The following TRANK1 variants were observed in gnomAD, a reference collection of about 807,000 sequenced individuals.
TRANK1 encodes TPR and ankyrin repeat-containing protein 1.
TRANK1 carries 198 observed loss-of-function variants against 266.0 expected under a neutral mutation model. That is an observed-to-expected ratio of 0.74 (90% confidence interval 0.66 to 0.84). The LOEUF (loss-of-function observed/expected upper bound fraction) is 0.84. TRANK1 is among the 40% of genes least tolerant of loss of function. The probability of loss-of-function intolerance (pLI) is 0.00; values close to 1 mark genes in which losing one functional copy is unlikely to be tolerated. For synonymous variants in TRANK1, 1,396 were observed against 1,384.1 expected (o/e 1.01, Z -0.19); for missense variants, 3,326 against 3,634.6 (o/e 0.92, Z 2.18).
Position 36,858,798 on chromosome 3 carries a change from C to A in TRANK1, c.1592G>T (p.Gly531Val), listed in dbSNP as rs771135781. The A allele has an allele frequency of 1.3e-6, 2 of 1,537,216 alleles. No individual in the cohort carries two copies. Among genetic ancestry groups the A allele is most frequent in the South Asian group, 2.4e-5 (2 of 84,044 alleles). Residue 531 changes from glycine (G) to valine (V), a missense_variant, in exon 12 of 24, where the codon GGC (glycine) becomes GTC (valine). Transcript: ENST00000645898. Reference protein sequence around the residue: ...FELAFLLLTKGADPRAISLTE... With the variant: ...FELAFLLLTKVADPRAISLTE... Reference sequence around the variant, plus strand: ...GAGAGAAATAGCACGGGGGTCTGCGCCCTTGGTCAAGAGAAGGAAAGCCAA... The same window carrying A: ...GAGAGAAATAGCACGGGGGTCTGCGACCTTGGTCAAGAGAAGGAAAGCCAA...
chr3:36,838,265 GGA>G, intron 20 of TRANK1, 105 bp downstream of exon 20: 1 of 1,499,152 alleles, frequency 6.7e-7, no homozygotes, highest in South Asian at 1.3e-5. Context: ...CTCCCTCCTT[GGA>G]AGACTGCAGC....
chr3:36,851,346 A>G, intron 15 of TRANK1: 1 of 1,009,008 alleles, frequency 9.9e-7, no homozygotes, highest in Non-Finnish European at 1.2e-6. Context: ...TTCTGTCATC[A>G]CAGGGTGGAC....
At chr3:36,936,642 A>G (rs2080429375) in intron 1 of TRANK1, among the ~76,000 whole-genome samples, 1 of 152,220 alleles carries the variant, frequency 6.6e-6, no homozygotes, top group Admixed American at 6.5e-5. Flanking sequence ...AAAAGGATGA[A>G]GAGTGTAAAC....
At chr3:36,849,567 T>C (rs771215792) in intron 15 of TRANK1, among the ~76,000 whole-genome samples, 6 of 152,032 alleles carry the variant, frequency 3.9e-5, no homozygotes, top group Non-Finnish European at 8.8e-5. Flanking sequence ...GAAATATAAA[T>C]GAGATGGAAG....
At chr3:36,901,250 T>C (rs1378448382) in intron 3 of TRANK1, among the ~76,000 whole-genome samples, 1 of 152,070 alleles carries the variant, frequency 6.6e-6, no homozygotes, top group Non-Finnish European at 1.5e-5. Flanking sequence ...ACTTAACTGA[T>C]TAAAAAGCAG....
chr3:36,905,290 CA>C (rs35960884), intron 2 of TRANK1, among the ~76,000 whole-genome samples: 4,988 of 94,784 alleles, frequency 0.053, 78 homozygotes, highest in Middle Eastern at 0.11. Flanking sequence ...GACTCTGTCT[CA>C]AAAAAAAAAA....
chr3:36,903,909 C>A (rs776993686), intron 2 of TRANK1, among the ~76,000 whole-genome samples: 5 of 152,160 alleles, frequency 3.3e-5, no homozygotes, highest in Non-Finnish European at 7.4e-5. Context: ...AGCCCAGCTA[C>A]CAATGGAATA....
chr3:36,935,859 T>G (rs2080418569), intron 1 of TRANK1, among the ~76,000 whole-genome samples: 1 of 152,214 alleles, frequency 6.6e-6, no homozygotes, highest in Admixed American at 6.5e-5. Context: ...ACTTCTTACT[T>G]ATCAGAGGCA....
chr3:36,884,909 G>A (rs377307662), intron 8 of TRANK1, among the ~76,000 whole-genome samples: 2 of 147,260 alleles, frequency 1.4e-5, no homozygotes, highest in East Asian at 2.0e-4. Flanking sequence ...CTCCAGCCTG[G>A]AGACAGAGCA....
intron 1 of TRANK1, among the ~76,000 whole-genome samples, chr3:36,937,079 A>AGAGC: frequency 6.6e-6 from 1 of 152,356 alleles, no homozygotes; most frequent in Middle Eastern, 3.4e-3. Context: ...CCTGGGTGAC[A>AGAGC]GAGCTAGGTT....
chr3:36,861,647 A>C (rs903701066), intron 10 of TRANK1, among the ~76,000 whole-genome samples: 3 of 152,088 alleles, frequency 2.0e-5, no homozygotes, highest in Non-Finnish European at 2.9e-5. Context: ...TTGATGTCTA[A>C]AGACAGGATA....
rs562427660 is a variant in TRANK1, at chr3:36,857,802, A to T, written c.1920T>A (p.Ser640=). 6.2e-7 allele frequency: 1 copy of T among 1,613,992 alleles called. No homozygotes were observed. The highest frequency in any genetic ancestry group is 1.3e-5 in the African/African-American group (1 of 75,054). ...GAGCTTTGTTCCAGGCCAAGAGCAG[A>T]GAGTCGTTCTTCTTAATCCGGTGCC... ...DARHRIKKND[S]LLLAWNKALM... Residue 640 remains serine (S), a synonymous_variant, in exon 13 of 24, where the codon TCT becomes TCA. Coordinates refer to ENST00000645898, the MANE Select transcript of TRANK1 (RefSeq NM_001329998.2). This position sits in a 1 kb window ranked among gnomAD's most constrained non-coding sequence, Gnocchi z 4.3.
intron 4 of TRANK1, among the ~76,000 whole-genome samples, chr3:36,897,119 T>C (rs553871944): frequency 1.3e-5 from 2 of 151,850 alleles, no homozygotes; most frequent in African/African-American, 2.4e-5. Context: ...CTGGCTAACA[T>C]AGTGAAACTC....
intron 1 of TRANK1, among the ~76,000 whole-genome samples, chr3:36,943,158 C>G (rs1575345746): frequency 1.3e-5 from 2 of 151,808 alleles, no homozygotes; most frequent in African/African-American, 4.8e-5. Context: ...CCTCATTGCA[C>G]TCCAGCCTGG....
At chr3:36,927,826 A>G (rs1031968912) in intron 1 of TRANK1, among the ~76,000 whole-genome samples, 1 of 152,242 alleles carries the variant, frequency 6.6e-6, no homozygotes, top group Admixed American at 6.5e-5. Context: ...TGAGAGTATG[A>G]GGGCTGTTTC....
rs903371466 is a variant in TRANK1, at chr3:36,907,817, A to G, written c.155+506T>C. On this transcript the variant is annotated intron_variant, in intron 2 of 23. Coordinates refer to ENST00000645898, the MANE Select transcript of TRANK1 (RefSeq NM_001329998.2). Reference sequence around the variant, plus strand: ...TTTTTTATCAGTTTTAAGTTCTACCATACTGTATTGACAGCTACAGCCTAC... The same window carrying G: ...TTTTTTATCAGTTTTAAGTTCTACCGTACTGTATTGACAGCTACAGCCTAC... Among the ~76,000 whole-genome samples, 10 of 152,310 alleles carry G rather than the reference A, an allele frequency of 6.6e-5. No individual in the cohort carries two copies. In the Middle Eastern group the frequency reaches 0.01, roughly 155 times the overall value.
intron 2 of TRANK1, among the ~76,000 whole-genome samples, chr3:36,906,617 G>C (rs1056353901): frequency 3.3e-5 from 5 of 152,194 alleles, no homozygotes; most frequent in African/African-American, 1.2e-4. Context: ...GAGGGAGACA[G>C]AAGCACAGCT....
rs1440269492 is a variant in TRANK1 at position 36,847,051 on chromosome 3, T to G, written c.5034+149A>C. The G allele has an allele frequency of 4.2e-6, 4 of 956,046 alleles. No homozygotes were observed. In the Admixed American group the frequency reaches 1.2e-4, roughly 28 times the overall value. 59.2% of individuals were successfully genotyped at this position (956,046 alleles called of 1,614,324 possible). A position where few individuals can be genotyped will look rare whatever the true frequency, so the allele number is the denominator to read the frequency against. On this transcript the variant is annotated intron_variant, in intron 16 of 23. Coordinates refer to ENST00000645898, the MANE Select transcript of TRANK1 (RefSeq NM_001329998.2). ...AAAATGGAATTTACCAAAACTGAGA[T>G]CCCTGCCCCTTCCTTTCTTATCCTC...
intron 5 of TRANK1, among the ~76,000 whole-genome samples, chr3:36,894,601 C>T (rs1172491412): frequency 6.6e-6 from 1 of 152,136 alleles, no homozygotes; most frequent in African/African-American, 2.4e-5. Flanking sequence ...GGCTGGACTC[C>T]AGGAGGTTTC....
Sources: gnomAD v4.1 joint callset for allele counts (sites outside exome capture counted in the v4.1 genomes callset) on GRCh38, gnomAD v4.1.1 for gene constraint, Gnocchi (gnomAD v3.1) non-coding constraint, MANE v1.5 for transcripts, NCBI Gene and HGNC (gene_info 2026-07-23, HGNC 2026-07-21) for gene names.